CEP63: variants seen among roughly 807,000 people sequenced by gnomAD.
CEP63 encodes the protein centrosomal protein of 63 kDa.
In CEP63, 84 loss-of-function variants were observed where a neutral mutation model predicts 89.1. The ratio of observed to expected loss-of-function variants is 0.94; its 90% CI spans 0.79 to 1.13. CEP63 has a LOEUF of 1.13. Ranked by LOEUF, CEP63 falls within the 50% of genes most tolerant of loss-of-function variation. The pLI is 0.00. For missense variants in CEP63, 838 were observed against 813.3 expected (o/e 1.03, Z -0.37); for synonymous variants, 267 against 272.5 (o/e 0.98, Z 0.20).
the CEP63 span, among the ~76,000 whole-genome samples, chr3:134,764,205 G>A: frequency 6.6e-6 from 1 of 152,140 alleles, no homozygotes; most frequent in Non-Finnish European, 1.5e-5. Flanking sequence ...AAGAAAATGA[G>A]TACTTTCTGG....
chr3:134,556,198 C>G (rs1029995806), intron 12 of CEP63, among the ~76,000 whole-genome samples: 6 of 151,268 alleles, frequency 4.0e-5, no homozygotes, highest in African/African-American at 1.2e-4. Context: ...CAATACCATT[C>G]AGGACATAGG....
chr3:134,774,461 T>G, the CEP63 span, among the ~76,000 whole-genome samples: 2 of 144,410 alleles, frequency 1.4e-5, no homozygotes, highest in Non-Finnish European at 2.9e-5. Context: ...GACCCTTTTG[T>G]TCCACTGAAT....
the CEP63 span, among the ~76,000 whole-genome samples, chr3:134,667,979 T>C: frequency 6.6e-6 from 1 of 152,244 alleles, no homozygotes; most frequent in East Asian, 1.9e-4. Context: ...AACAACAGGG[T>C]CAATGGAACA....
the CEP63 span, chr3:134,604,523 A>G: frequency 1.3e-5 from 19 of 1,480,728 alleles, no homozygotes; most frequent in Non-Finnish European, 1.7e-5. Flanking sequence ...GCACGTGCTG[A>G]TGTGCTGGTA....
chr3:134,621,360 A>T, the CEP63 span, among the ~76,000 whole-genome samples: 1 of 152,222 alleles, frequency 6.6e-6, no homozygotes, highest in South Asian at 2.1e-4. Context: ...TGATACTGCC[A>T]TGAAGATTAT....
At chr3:134,544,791 G>A (rs906464272) in intron 6 of CEP63, among the ~76,000 whole-genome samples, 1 of 151,920 alleles carries the variant, frequency 6.6e-6, no homozygotes, top group Non-Finnish European at 1.5e-5. Context: ...GTGTGAGTAG[G>A]TAGAATACTG....
the CEP63 span, chr3:134,600,964 G>A: frequency 6.6e-6 from 1 of 152,204 alleles, no homozygotes; most frequent in Non-Finnish European, 1.5e-5. Flanking sequence ...GAAAAAGCCC[G>A]GTGATAGATC....
intron 2 of CEP63, among the ~76,000 whole-genome samples, 164 bp downstream of exon 2, chr3:134,495,528 AT>A (rs1939536040): frequency 6.6e-6 from 1 of 152,192 alleles, no homozygotes; most frequent in Admixed American, 6.5e-5. Context: ...TGTTGGGAAC[AT>A]TTCAATTCTT....
intron 6 of CEP63, among the ~76,000 whole-genome samples, chr3:134,540,211 G>A (rs1221789078): frequency 1.3e-5 from 2 of 152,058 alleles, no homozygotes; most frequent in African/African-American, 4.8e-5. Flanking sequence ...TGCTAAGCAC[G>A]TCACAGCTTT....
chr3:134,544,063 TG>T (rs1952648446), intron 6 of CEP63, among the ~76,000 whole-genome samples: 1 of 152,322 alleles, frequency 6.6e-6, no homozygotes, highest in Non-Finnish European at 1.5e-5. Context: ...CTCTGGCTTA[TG>T]GGAAGTTTTT....
rs570540184 is a variant in CEP63, at chr3:134,544,799, C to G, written c.556-787C>G. Among the ~76,000 whole-genome samples, 4 of 152,134 alleles carry G rather than the reference C, an allele frequency of 2.6e-5. No individual in the cohort carries two copies. The South Asian group carries it at 8.3e-4, about 32-fold the overall frequency. Reference sequence around the variant, plus strand: ...AATTTCTGTGTGAGTAGGTAGAATACTGTAGCATCTCTTCTCCTGAGGAAT... The same window carrying G: ...AATTTCTGTGTGAGTAGGTAGAATAGTGTAGCATCTCTTCTCCTGAGGAAT... On this transcript the variant is annotated intron_variant, in intron 6 of 14. Transcript: ENST00000675561.
At chr3:134,579,331 G>A (rs1958290875), downstream of CEP63, among the ~76,000 whole-genome samples, 1 of 152,144 alleles carries the variant, frequency 6.6e-6, no homozygotes, top group South Asian at 2.1e-4. Flanking sequence ...AGGAATTGCT[G>A]GGTTTATGTT....
the CEP63 span, among the ~76,000 whole-genome samples, chr3:134,708,602 C>G: frequency 6.6e-6 from 1 of 152,214 alleles, no homozygotes; most frequent in Non-Finnish European, 1.5e-5. Context: ...TTCGTGTTCC[C>G]AGACTACGGT....
chr3:134,690,593 T>G, the CEP63 span, among the ~76,000 whole-genome samples: 18 of 152,296 alleles, frequency 1.2e-4, no homozygotes, highest in Non-Finnish European at 2.6e-4. Context: ...CCACTCTATA[T>G]CCTTCCAAGT....
At chr3:134,748,554 A>G in the CEP63 span, among the ~76,000 whole-genome samples, 3 of 152,142 alleles carry the variant, frequency 2.0e-5, no homozygotes, top group African/African-American at 7.2e-5. Context: ...CATCATGAGC[A>G]TGGGTCCAGG....
At chr3:134,487,761 A>T (rs1185944543) in intron 1 of CEP63, among the ~76,000 whole-genome samples, 1 of 152,272 alleles carries the variant, frequency 6.6e-6, no homozygotes, top group Non-Finnish European at 1.5e-5. Context: ...TAATGTCAAT[A>T]TCCAGTCAGA....
the CEP63 span, chr3:134,613,124 G>A: frequency 6.5e-6 from 1 of 154,430 alleles, no homozygotes; most frequent in South Asian, 2.0e-4. Flanking sequence ...TTGCATTAAG[G>A]TGAACTGATT....
chr3:134,591,591 C>T (rs1216661082), downstream of CEP63, among the ~76,000 whole-genome samples: 1 of 152,146 alleles, frequency 6.6e-6, no homozygotes, highest in Non-Finnish European at 1.5e-5. Context: ...CACAATGGCT[C>T]ATGCCTGTAA....
At chr3:134,603,430 C>G in the CEP63 span, 60 of 686,970 alleles carry the variant, frequency 8.7e-5, no homozygotes, top group Non-Finnish European at 1.4e-5. Context: ...GATCACAGCT[C>G]CTGTGGCAGA....
Sources: gnomAD v4.1 joint callset for allele counts (sites outside exome capture counted in the v4.1 genomes callset) on GRCh38, gnomAD v4.1.1 for gene constraint, MANE v1.5 for transcripts, NCBI Gene and HGNC (gene_info 2026-07-23, HGNC 2026-07-21) for gene names.